APC: variants seen among roughly 807,000 people sequenced by gnomAD.
APC encodes APC regulator of Wnt signaling pathway.
A neutral mutation model predicts 247.0 loss-of-function variants in APC; 72 were observed. The ratio of observed to expected loss-of-function variants is 0.29; its 90% CI spans 0.24 to 0.35. The LOEUF is 0.35. APC is among the 10% of genes least tolerant of loss of function. The probability of loss-of-function intolerance (pLI) is 1.00; values close to 1 mark genes in which losing one functional copy is unlikely to be tolerated. For synonymous variants in APC, 1,254 were observed against 1,162.5 expected (o/e 1.08, Z -1.60); for missense variants, 3,400 against 3,360.7 (o/e 1.01, Z -0.29).
At position 112,801,306 on chromosome 5, in the gene APC, G is replaced by T. The variant is rs772806807; in HGVS notation, c.757G>T (p.Gly253Cys). The change falls in exon 8 of 16, where the codon GGC becomes TGC. Residue 253 changes from glycine (G) to cysteine (C), a missense_variant. Physicochemically the swap from Gly to Cys is radical, Grantham distance 159 (BLOSUM62 -3). Transcript: ENST00000257430. ...ERSSQNKHET[G>C]SHDAERQNEG... Reference sequence around the variant, plus strand: ...GTCATCTCAGAACAAGCATGAAACCGGCTCACATGATGCTGAGCGGCAGAA... The same window carrying T: ...GTCATCTCAGAACAAGCATGAAACCTGCTCACATGATGCTGAGCGGCAGAA... 1.2e-6 allele frequency: 2 copies of T among 1,612,644 alleles called. No individual in the cohort carries two copies. The highest frequency in any genetic ancestry group is 1.7e-5 in the Admixed American group (1 of 59,902).
intron 7 of APC, among the ~76,000 whole-genome samples, chr5:112,795,060 T>C (rs529831321): frequency 1.3e-5 from 2 of 152,280 alleles, no homozygotes; most frequent in East Asian, 3.9e-4. Context: ...AGAGTCTCGC[T>C]CTGTAGCCCA....
Position 112,838,291 on chromosome 5 carries a change from C to T in APC, c.2697C>T (p.Thr899=), listed in dbSNP as rs1183756347. 2.5e-6 allele frequency: 4 copies of T among 1,614,098 alleles called. No homozygotes were observed. Among genetic ancestry groups the T allele is most frequent in the Non-Finnish European group, 3.4e-6 (4 of 1,180,052 alleles). The change falls in exon 16 of 16, where the codon ACC becomes ACT. Residue 899 remains threonine (T), a synonymous_variant. Coordinates refer to ENST00000257430, the MANE Select transcript of APC (RefSeq NM_000038.6). ...TGGAAGAAGTGTCAGCCATTCATAC[C>T]TCTCAGGAAGACAGAAGTTCTGGGT... The part of the protein sequence containing the change: ...KVMEEVSAIH[T]SQEDRSSGST...
Position 112,792,495 on chromosome 5 carries a change from G to A in APC, c.695G>A (p.Arg232Gln), listed in dbSNP as rs201727026. ...QQIEKDILRIRQLLQSQATEA... is the reference protein window; with the variant it reads ...QQIEKDILRIQQLLQSQATEA... ...ATCGAAAAGGACATACTTCGTATACGACAGCTTTTACAGTCCCAAGCAACA... is the reference window on the plus strand; with the variant it reads ...ATCGAAAAGGACATACTTCGTATACAACAGCTTTTACAGTCCCAAGCAACA... The change falls in exon 7 of 16, where the codon CGA (arginine) becomes CAA (glutamine). Residue 232 changes from arginine to glutamine, a missense_variant. This residue lies in a region of APC where 372 missense variants were observed against 367.6 expected (regional missense o/e 1.01). Coordinates refer to ENST00000257430, the MANE Select transcript of APC (RefSeq NM_000038.6). 21 of 1,612,482 alleles carry A rather than the reference G, an allele frequency of 1.3e-5. No homozygotes were observed. The highest frequency in any genetic ancestry group is 1.5e-5 in the Non-Finnish European group (18 of 1,179,122).
chr5:112,780,347 T>C (rs1349938412), intron 5 of APC, among the ~76,000 whole-genome samples: 1 of 152,180 alleles, frequency 6.6e-6, no homozygotes, highest in Non-Finnish European at 1.5e-5. Flanking sequence ...ATGTATATGG[T>C]AATCCTTACC....
At chr5:112,830,038 A>G (rs1292122978) in intron 14 of APC, 2 of 152,102 alleles carry the variant, frequency 1.3e-5, no homozygotes, top group African/African-American at 4.8e-5. Context: ...TCCTATACCC[A>G]CAGCCTACAT....
chr5:112,790,472 C>A (rs549713505), intron 6 of APC, among the ~76,000 whole-genome samples: 1 of 151,686 alleles, frequency 6.6e-6, no homozygotes, highest in African/African-American at 2.4e-5. Flanking sequence ...ATTACAGGCA[C>A]GCGTCACCCA....
rs572268849 is a variant in APC, at chr5:112,792,665, C to A, written c.729+136C>A. The A allele has an allele frequency of 7.5e-6, 5 of 663,794 alleles. 1 individual carries two copies. The highest frequency in any genetic ancestry group is 6.4e-5 in the East Asian group (2 of 31,452). The allele number at this position is 663,794 out of a possible 1,614,324, so 41.1% of individuals were successfully genotyped here. ...AGAATTTAAATACCGTAATTTTTTT[C>A]GTGAAATTAAATTATCAAAGATTTG... On this transcript the variant is annotated intron_variant, in intron 7 of 15. Transcript: ENST00000257430.
chr5:112,738,515 T>C, intron 1 of APC: 3 of 984,934 alleles, frequency 3.0e-6, no homozygotes, highest in Non-Finnish European at 3.6e-6. Context: ...TCACCAGTAG[T>C]GTGCCTGCTT....
chr5:112,843,065 A>G lies in APC; in HGVS notation c.7471A>G (p.Met2491Val), dbSNP rs375674083. 23 of 1,613,750 alleles carry G rather than the reference A, an allele frequency of 1.4e-5. No individual in the cohort carries two copies. In the African/African-American group the frequency reaches 1.6e-4, roughly 11 times the overall value. Residue 2491 changes from methionine (M) to valine (V), a missense_variant, in exon 16 of 16, where the codon ATG (methionine) becomes GTG (valine). Coordinates refer to ENST00000257430, the MANE Select transcript of APC (RefSeq NM_000038.6). The surrounding 1 kb of genome is among the most constrained non-coding windows in gnomAD (Gnocchi z 4.8). ...AGTTTTAAGTCCTTCCCTTCCTGAT[A>G]TGTCTCTATCCACACATTCGTCTGT... ...TPVLSPSLPDMSLSTHSSVQA... is the reference protein window; with the variant it reads ...TPVLSPSLPDVSLSTHSSVQA...
intron 15 of APC, among the ~76,000 whole-genome samples, chr5:112,836,165 T>TTCCCCCCCCCCCCCCCCCCCCCCC (rs1554083526): frequency 1.2e-4 from 3 of 24,492 alleles, no homozygotes; most frequent in Non-Finnish European, 1.7e-4. Flanking sequence ...GGATTACAGG[T>TTCCCCCCCCCCCCCCCCCCCCCCC]CCCCCCCCCC....
chr5:112,834,181 C>T (rs950556217), intron 14 of APC, among the ~76,000 whole-genome samples: 9 of 150,976 alleles, frequency 6.0e-5, no homozygotes, highest in African/African-American at 2.2e-4. Flanking sequence ...AACTCCCAGT[C>T]ACGCCAGTCA....
chr5:112,740,617 G>A (rs1382800717), intron 1 of APC, among the ~76,000 whole-genome samples: 7 of 142,056 alleles, frequency 4.9e-5, no homozygotes, highest in Non-Finnish European at 7.5e-5. Context: ...CTTCAACCTC[G>A]CAGGCTCAAG....
At chr5:112,823,495 A>G (rs1391054294) in intron 11 of APC, 3 of 152,388 alleles carry the variant, frequency 2.0e-5, no homozygotes, top group East Asian at 1.9e-4. Flanking sequence ...TTGCGGGGAG[A>G]TAATAGTACA....
intron 4 of APC, among the ~76,000 whole-genome samples, chr5:112,769,225 A>AT (rs1756750253): frequency 6.6e-6 from 1 of 151,294 alleles, no homozygotes; most frequent in African/African-American, 2.4e-5. Context: ...TAATTTTTGT[A>AT]TTTTTAGTAG....
chr5:112,804,927 G>T (rs1448803408), intron 8 of APC, among the ~76,000 whole-genome samples: 2 of 151,954 alleles, frequency 1.3e-5, no homozygotes, highest in Non-Finnish European at 2.9e-5. Context: ...GCTGCAGTGG[G>T]CTATGATCAT....
chr5:112,743,285 C>T (rs1753254615), intron 1 of APC, among the ~76,000 whole-genome samples: 1 of 152,186 alleles, frequency 6.6e-6, no homozygotes, highest in African/African-American at 2.4e-5. Context: ...CCAGGAAAAT[C>T]AGCTTCAAGA....
intron 6 of APC, among the ~76,000 whole-genome samples, chr5:112,781,820 T>A (rs148485905): frequency 1.3e-5 from 2 of 151,802 alleles, no homozygotes; most frequent in East Asian, 3.9e-4. Context: ...TGCAATGGCA[T>A]GATCTCACCT....
chr5:112,726,195 C>T (rs1022276611), intron 1 of APC, among the ~76,000 whole-genome samples: 7 of 152,182 alleles, frequency 4.6e-5, no homozygotes, highest in Non-Finnish European at 5.9e-5. Flanking sequence ...GCCTTGCAGA[C>T]GACTTAAGTG....
intron 5 of APC, among the ~76,000 whole-genome samples, chr5:112,776,284 G>C (rs1416840863): frequency 6.6e-6 from 1 of 152,084 alleles, no homozygotes; most frequent in Non-Finnish European, 1.5e-5. Context: ...TACTACAAAG[G>C]GTTATTTTTC....
Sources: allele counts gnomAD v4.1 joint callset (sites outside exome capture counted in the v4.1 genomes callset), GRCh38; gene constraint gnomAD v4.1.1; regional missense constraint gnomAD v4.1.1; non-coding constraint Gnocchi (gnomAD v3.1); transcripts MANE v1.5; gene names NCBI Gene and HGNC (gene_info 2026-07-23, HGNC 2026-07-21).